LAPTM5: variants seen among roughly 807,000 people sequenced by gnomAD.
The protein encoded by LAPTM5 is lysosomal protein transmembrane 5, also known as lysosomal-associated transmembrane protein 5.
In LAPTM5, 11 loss-of-function variants were observed where a neutral mutation model predicts 30.1. The ratio of observed to expected loss-of-function variants is 0.37; its 90% CI spans 0.23 to 0.60. The LOEUF is 0.60. LAPTM5 is among the 20% of genes least tolerant of loss of function. The pLI, the probability that LAPTM5 is intolerant of heterozygous loss-of-function variation, is 0.71. For missense variants in LAPTM5, 324 were observed against 332.5 expected (o/e 0.97, Z 0.20); for synonymous variants, 151 against 137.9 (o/e 1.10, Z -0.67).
At chr1:30,751,704 A>C (rs1339127216) in intron 1 of LAPTM5, among the ~76,000 whole-genome samples, 1 of 151,936 alleles carries the variant, frequency 6.6e-6, no homozygotes, top group Non-Finnish European at 1.5e-5. Flanking sequence ...ACGCCACTGC[A>C]CTCCAGCCTG....
At chr1:30,736,492 G>C (rs1186215087) in intron 6 of LAPTM5, among the ~76,000 whole-genome samples, 1 of 152,138 alleles carries the variant, frequency 6.6e-6, no homozygotes, top group Non-Finnish European at 1.5e-5. Context: ...GGAGTGCAGT[G>C]GCATGATTAT....
Position 30,733,646 on chromosome 1 carries a change from C to T in LAPTM5, c.*182G>A. The T allele has an allele frequency of 6.5e-7, 1 of 1,533,674 alleles. No individual in the cohort carries two copies. ...GGAGTGACTCAGCCTAAAGCGTTGA[C>T]CCAGTTGTGAGCAGCTCACAGGCCC... On this transcript the variant is annotated 3_prime_UTR_variant, in exon 8 of 8. Coordinates refer to ENST00000294507, the MANE Select transcript of LAPTM5 (RefSeq NM_006762.3).
chr1:30,742,141 AT>A, intron 2 of LAPTM5: 1 of 433,636 alleles, frequency 2.3e-6, no homozygotes. Context: ...AGGAGTTTCC[AT>A]TTTATTCTAG....
chr1:30,750,820 A>T (rs895602708), intron 1 of LAPTM5, among the ~76,000 whole-genome samples: 2 of 152,152 alleles, frequency 1.3e-5, no homozygotes, highest in Non-Finnish European at 2.9e-5. Flanking sequence ...GGTGCCACAA[A>T]TGGTAGTTAC....
intron 1 of LAPTM5, among the ~76,000 whole-genome samples, chr1:30,750,259 A>G (rs1215910727): frequency 6.6e-6 from 1 of 151,814 alleles, no homozygotes; most frequent in African/African-American, 2.4e-5. Context: ...AGCACCCTCC[A>G]CTCCCCAAAC....
intron 1 of LAPTM5, chr1:30,745,865 G>A (rs1370511656): frequency 6.6e-6 from 1 of 152,298 alleles, no homozygotes; most frequent in African/African-American, 2.4e-5. Flanking sequence ...TACAAGACAG[G>A]CAACATTTTC....
At chr1:30,753,461 T>C (rs184190711) in intron 1 of LAPTM5, among the ~76,000 whole-genome samples, 25 of 152,262 alleles carry the variant, frequency 1.6e-4, no homozygotes, top group Admixed American at 1.6e-3. Context: ...CAGAACCTTT[T>C]CTTAGTACGA....
At position 30,737,206 on chromosome 1, in the gene LAPTM5, T is replaced by C. The variant is rs180959081; in HGVS notation, c.606+398A>G. Among the ~76,000 whole-genome samples, 390 of 152,226 alleles carry C rather than the reference T, an allele frequency of 2.6e-3. 2 individuals are homozygous for C. Among genetic ancestry groups the C allele is most frequent in the African/African-American group, 8.9e-3 (370 of 41,526 alleles). On this transcript the variant is annotated intron_variant, in intron 6 of 7. Transcript: ENST00000294507. ...CTATTAACATAATCTCAGGTACATT[T>C]TGATGCCTGAATTACATAAAACTGT...
intron 6 of LAPTM5, among the ~76,000 whole-genome samples, chr1:30,737,078 C>T (rs976356552): frequency 6.6e-6 from 1 of 152,132 alleles, no homozygotes; most frequent in African/African-American, 2.4e-5. Flanking sequence ...AGTGCTTCAC[C>T]ATCACTCAGA....
chr1:30,738,171 A>T (rs143459442), intron 5 of LAPTM5, among the ~76,000 whole-genome samples: 1 of 152,090 alleles, frequency 6.6e-6, no homozygotes, highest in Non-Finnish European at 1.5e-5. Flanking sequence ...ATTCTTTGAG[A>T]CGCCTCCCTT....
chr1:30,743,073 C>T (rs577619649), intron 1 of LAPTM5, among the ~76,000 whole-genome samples: 2 of 152,294 alleles, frequency 1.3e-5, no homozygotes, highest in Non-Finnish European at 2.9e-5. Flanking sequence ...CAGGAGGGCC[C>T]TGGAGAGCAT....
intron 1 of LAPTM5, among the ~76,000 whole-genome samples, chr1:30,756,920 G>A (rs1457868273): frequency 6.6e-6 from 1 of 152,192 alleles, no homozygotes; most frequent in Non-Finnish European, 1.5e-5. Context: ...AGGCAGAGGG[G>A]CAGCCTTGGC....
In LAPTM5 at chr1:30,753,853, G is replaced by C. The variant is rs532835800; in HGVS notation, c.87+3806C>G. On this transcript the variant is annotated intron_variant, in intron 1 of 7. Transcript: ENST00000294507. ...GTTAGCAATAGAGGAACTAGGCATG[G>C]GGGACGCAAGAACTATCTGTACTGT... is the stretch of plus-strand genomic sequence containing the variant. Among the ~76,000 whole-genome samples, 10 of 152,332 alleles carry C rather than the reference G, an allele frequency of 6.6e-5. 1 individual carries two copies. The East Asian group carries it at 1.5e-3, about 23-fold the overall frequency.
chr1:30,757,235 G>C (rs538637399), intron 1 of LAPTM5, among the ~76,000 whole-genome samples: 1 of 152,162 alleles, frequency 6.6e-6, no homozygotes, highest in Non-Finnish European at 1.5e-5. Context: ...CTGTGTCTGC[G>C]GCCGACCTCA....
In LAPTM5 at chr1:30,742,541, G is replaced by A. The variant is rs747071350; in HGVS notation, c.96C>T (p.Ser32=). The part of the protein sequence containing the change: ...TALAIYHVIM[S]VLLFIEHSVE... ...CTGAGTGCTCGATGAACAACAAGAC[G>A]CTCATGATCTGGAGGCAAAGCAAAG... The change falls in exon 2 of 8, where the codon AGC becomes AGT. Residue 32 remains serine, a synonymous_variant. Transcript: ENST00000294507. 16 of 1,612,952 alleles carry A rather than the reference G, an allele frequency of 9.9e-6. No homozygotes were observed. The highest frequency in any genetic ancestry group is 8.9e-5 in the East Asian group (4 of 44,894).
intron 6 of LAPTM5, among the ~76,000 whole-genome samples, chr1:30,736,581 ACG>A (rs1639887881): frequency 2.0e-5 from 3 of 149,966 alleles, no homozygotes; most frequent in Non-Finnish European, 3.0e-5. Context: ...CTACAGGCAC[ACG>A]CCACCACATC....
At chr1:30,757,095 G>A (rs1640221874) in intron 1 of LAPTM5, among the ~76,000 whole-genome samples, 1 of 152,214 alleles carries the variant, frequency 6.6e-6, no homozygotes, top group South Asian at 2.1e-4. Context: ...AGAAGGCCGT[G>A]GTTTGACTGA....
intron 1 of LAPTM5, among the ~76,000 whole-genome samples, chr1:30,752,581 C>T (rs1266745834): frequency 6.6e-6 from 1 of 152,254 alleles, no homozygotes; most frequent in Admixed American, 6.5e-5. Context: ...AGACCTCCTC[C>T]AAGAAGCTAT....
intron 5 of LAPTM5, 93 bp downstream of exon 5, chr1:30,738,847 C>A: frequency 2.2e-6 from 3 of 1,376,316 alleles, no homozygotes; most frequent in Non-Finnish European, 2.0e-6. Context: ...CTCCAGGGAA[C>A]CTGGCCTAAA....
Sources: gnomAD v4.1 joint callset for allele counts (sites outside exome capture counted in the v4.1 genomes callset) on GRCh38, gnomAD v4.1.1 for gene constraint, MANE v1.5 for transcripts, NCBI Gene and HGNC (gene_info 2026-07-23, HGNC 2026-07-21) for gene names.